Variants in OR1A1 observed in about 807,000 individuals in gnomAD.
OR1A1 encodes olfactory receptor family 1 subfamily A member 1.
For missense variants in OR1A1, 391 were observed against 379.9 expected (o/e 1.03, Z -0.24); for synonymous variants, 145 against 147.8 (o/e 0.98, Z 0.13).
At position 3,216,442 on chromosome 17, in the gene OR1A1, A is replaced by C; in HGVS notation, c.822A>C (p.Val274=). 3.7e-6 allele frequency: 6 copies of C among 1,614,010 alleles called. No homozygotes were observed. Among genetic ancestry groups the C allele is most frequent in the Non-Finnish European group, 5.1e-6 (6 of 1,179,854 alleles). The part of the protein sequence containing the change: ...NYSLKDAVIT[V]MYTAVTPMLN... Reference sequence around the variant, plus strand: ...GCCTAAAAGACGCAGTGATCACTGTAATGTACACGGCAGTGACCCCAATGT... The same window carrying C: ...GCCTAAAAGACGCAGTGATCACTGTCATGTACACGGCAGTGACCCCAATGT... Residue 274 remains valine, a synonymous_variant, in exon 4 of 4, where the codon GTA becomes GTC. Transcript: ENST00000641732.
At chr17:3,213,481 A>C (rs181863648) in intron 3 of OR1A1, 1 of 152,372 alleles carries the variant, frequency 6.6e-6, no homozygotes, top group African/African-American at 2.4e-5. Flanking sequence ...CAGATCTAAT[A>C]TATTTTTGAG....
Position 3,208,812 on chromosome 17 carries a change from CT to C in OR1A1, c.-324del, listed in dbSNP as rs2150594907. The C allele has an allele frequency of 6.6e-6, 1 of 152,156 alleles. No homozygotes were observed. The highest frequency in any genetic ancestry group is 2.4e-5 in the African/African-American group (1 of 41,502). 9.4% of individuals were successfully genotyped at this position (152,156 alleles called of 1,614,324 possible). On this transcript the variant is annotated 5_prime_UTR_variant, in exon 2 of 4. It removes the in-frame stop codon of an upstream open reading frame in the 5' UTR. Transcript: ENST00000641732. The stretch of plus-strand genomic sequence containing the variant: ...AGTCTGATATATGGCCCCTGGGTCC[CT>C]CTTCCAGTATAAATAAACCTCCATT...
intron 2 of OR1A1, among the ~76,000 whole-genome samples, chr17:3,209,803 T>C (rs1326427768): frequency 6.6e-6 from 1 of 152,186 alleles, no homozygotes; most frequent in Non-Finnish European, 1.5e-5. Context: ...CACTTGAAAT[T>C]TTCTTTGTTC....
At chr17:3,210,699 G>A (rs12603877) in intron 2 of OR1A1, among the ~76,000 whole-genome samples, 37,885 of 151,728 alleles carry the variant, frequency 0.25, 5,493 homozygotes, top group East Asian at 0.57. Context: ...TCCGCTTCCC[G>A]GGTTCAAGTG....
chr17:3,215,568 A>C, intron 3 of OR1A1, 48 bp from the exon 4 acceptor site: 1 of 1,336,912 alleles, frequency 7.5e-7, no homozygotes, highest in Non-Finnish European at 1.1e-6. Context: ...CACTACACAC[A>C]GTAACTATGC....
rs1004090672 is a variant in OR1A1 at position 3,208,905 on chromosome 17, C to G, written c.-232C>G. The stretch of plus-strand genomic sequence containing the variant: ...TAAATGAAACATGAACTTGAGCCAC[C>G]CAGCTCCATCGCTGTCCTCTGGACC... On this transcript the variant is annotated 5_prime_UTR_variant, in exon 2 of 4. Coordinates refer to ENST00000641732, the MANE Select transcript of OR1A1 (RefSeq NM_014565.3). 1 of 152,118 alleles carries G rather than the reference C, an allele frequency of 6.6e-6. No homozygotes were observed. The highest frequency in any genetic ancestry group is 1.5e-5 in the Non-Finnish European group (1 of 68,040). The allele number at this position is 152,118 out of a possible 1,614,324, so 9.4% of individuals were successfully genotyped here.
chr17:3,216,561 G>A lies in OR1A1; in HGVS notation c.*11G>A. The A allele has an allele frequency of 6.3e-7, 1 of 1,591,576 alleles. No individual in the cohort carries two copies. The highest frequency in any genetic ancestry group is 8.6e-7 in the Non-Finnish European group (1 of 1,164,334). On this transcript the variant is annotated 3_prime_UTR_variant, in exon 4 of 4. Coordinates refer to ENST00000641732, the MANE Select transcript of OR1A1 (RefSeq NM_014565.3). Reference sequence around the variant, plus strand: ...AGAATCTCCTCGTAACCAATGTGAGGGCCTACATTGGATACCGTAGTCACC... The same window carrying A: ...AGAATCTCCTCGTAACCAATGTGAGAGCCTACATTGGATACCGTAGTCACC...
At position 3,215,681 on chromosome 17, in the gene OR1A1, C is replaced by G; in HGVS notation, c.61C>G (p.Gln21Glu). 6.2e-7 allele frequency: 1 copy of G among 1,614,068 alleles called. No individual in the cohort carries two copies. Residue 21 changes from glutamine (Q) to glutamate (E), a missense_variant, in exon 4 of 4, where the codon CAG becomes GAG. Transcript: ENST00000641732. ...CATCCTCCTGGGAGTTACTGGTCAG[C>G]AGGAACAGGAAGATTTCTTCTACAT... The part of the protein sequence containing the change: ...EFILLGVTGQ[Q>E]EQEDFFYILF...
rs937488260 is a variant in OR1A1, at chr17:3,218,299, G to A, written c.*1749G>A. On this transcript the variant is annotated 3_prime_UTR_variant, in exon 4 of 4. Coordinates refer to ENST00000641732, the MANE Select transcript of OR1A1 (RefSeq NM_014565.3). ...TGCTGGAGAGGATGTGGAGAAATAG[G>A]AAGGTTTTTACACTGTTGGTGGGAG... 6.6e-6 allele frequency: 1 copy of A among 152,194 alleles called. No individual in the cohort carries two copies. The highest frequency in any genetic ancestry group is 1.5e-5 in the Non-Finnish European group (1 of 68,032). 9.4% of individuals were successfully genotyped at this position (152,194 alleles called of 1,614,324 possible). A position where few individuals can be genotyped will look rare whatever the true frequency, so the allele number is the denominator to read the frequency against.
intron 3 of OR1A1, chr17:3,213,950 C>G (rs1219382918): frequency 6.6e-6 from 1 of 152,184 alleles, no homozygotes; most frequent in Non-Finnish European, 1.5e-5. Context: ...AGGAGGAAAC[C>G]TGGAGTCAAG....
chr17:3,211,739 A>G (rs4586481), intron 2 of OR1A1, among the ~76,000 whole-genome samples: 38,636 of 151,904 alleles, frequency 0.25, 5,606 homozygotes, highest in East Asian at 0.57. Context: ...AAGAGGACTG[A>G]CATTTTCACA....
At position 3,215,814 on chromosome 17, in the gene OR1A1, A is replaced by G. The variant is rs186831908; in HGVS notation, c.194A>G (p.Asn65Ser). ...AACCCCATGTATTTTCTCCTTGCCA[A>G]CCTCTCCTTGGTTGACATCTTCTTC... ...LHNPMYFLLA[N>S]LSLVDIFFSS... The change falls in exon 4 of 4, where the codon AAC (asparagine) becomes AGC (serine). Residue 65 changes from asparagine to serine, a missense_variant. By Grantham distance (46) the Asn-to-Ser change is conservative. Transcript: ENST00000641732. 6.4e-5 allele frequency: 104 copies of G among 1,613,774 alleles called. No homozygotes were observed. Among genetic ancestry groups the G allele is most frequent in the Admixed American group, 1.0e-4 (6 of 59,986 alleles).
chr17:3,216,570 T>G lies in OR1A1; in HGVS notation c.*20T>G. ...TCGTAACCAATGTGAGGGCCTACAT[T>G]GGATACCGTAGTCACCAGTTACGGT... On this transcript the variant is annotated 3_prime_UTR_variant, in exon 4 of 4. Coordinates refer to ENST00000641732, the MANE Select transcript of OR1A1 (RefSeq NM_014565.3). The G allele has an allele frequency of 6.3e-7, 1 of 1,574,822 alleles. No homozygotes were observed. Among genetic ancestry groups the G allele is most frequent in the Non-Finnish European group, 8.7e-7 (1 of 1,152,710 alleles).
intron 2 of OR1A1, among the ~76,000 whole-genome samples, chr17:3,209,233 G>A (rs1418382432): frequency 1.3e-5 from 2 of 151,626 alleles, no homozygotes; most frequent in African/African-American, 2.4e-5. Context: ...TCATTCTTAT[G>A]CCTTTGCATC....
Position 3,208,669 on chromosome 17 carries a change from T to A in OR1A1, c.-468T>A, listed in dbSNP as rs562990835. On this transcript the variant is annotated 5_prime_UTR_variant, in exon 2 of 4. Transcript: ENST00000641732. ...AGTGGGTATTAAAGGCGCCGCAATG[T>A]TCAAGGCCCTGACGTCATCCCAGTG... 1.3e-5 allele frequency: 2 copies of A among 152,230 alleles called. No homozygotes were observed. The highest frequency in any genetic ancestry group is 2.1e-4 in the South Asian group (1 of 4,812). 9.4% of individuals were successfully genotyped at this position (152,230 alleles called of 1,614,324 possible). A position where few individuals can be genotyped will look rare whatever the true frequency, so the allele number is the denominator to read the frequency against.
At chr17:3,211,275 G>C (rs1227168324) in intron 2 of OR1A1, among the ~76,000 whole-genome samples, 2 of 151,922 alleles carry the variant, frequency 1.3e-5, no homozygotes, top group Non-Finnish European at 2.9e-5. Flanking sequence ...TACCTAATGA[G>C]ACAAAAAGTA....
In OR1A1 at chr17:3,216,826, A is replaced by G; in HGVS notation, c.*276A>G. On this transcript the variant is annotated 3_prime_UTR_variant, in exon 4 of 4. Transcript: ENST00000641732. ...GTCAAGTTGGGAAGATCTGAGCCTCAGCTTTCACATCTACATGTTAGGAAT... is the reference window on the plus strand; with the variant it reads ...GTCAAGTTGGGAAGATCTGAGCCTCGGCTTTCACATCTACATGTTAGGAAT... The G allele has an allele frequency of 2.9e-6, 1 of 339,808 alleles. No homozygotes were observed. The highest frequency in any genetic ancestry group is 4.7e-5 in the East Asian group (1 of 21,438). 21.0% of individuals were successfully genotyped at this position (339,808 alleles called of 1,614,324 possible). A position where few individuals can be genotyped will look rare whatever the true frequency, so the allele number is the denominator to read the frequency against.
intron 2 of OR1A1, among the ~76,000 whole-genome samples, chr17:3,210,489 T>A (rs751425515): frequency 6.6e-6 from 1 of 152,246 alleles, no homozygotes; most frequent in Non-Finnish European, 1.5e-5. Context: ...AATTTAATTT[T>A]ATTTTTAATT....
At position 3,215,754 on chromosome 17, in the gene OR1A1, T is replaced by C. The variant is rs1301414353; in HGVS notation, c.134T>C (p.Ile45Thr). ...YPITLIGNLL[I>T]VLAICSDVRL... is the part of the protein sequence containing the mutation. ...ATCACATTGATTGGAAACCTGCTCA[T>C]CGTCCTAGCCATTTGCTCTGATGTT... Residue 45 changes from isoleucine to threonine, a missense_variant, in exon 4 of 4, where the codon ATC becomes ACC. Physicochemically the swap from Ile to Thr is moderately conservative, Grantham distance 89. Coordinates refer to ENST00000641732, the MANE Select transcript of OR1A1 (RefSeq NM_014565.3). 5 of 1,614,160 alleles carry C rather than the reference T, an allele frequency of 3.1e-6. No homozygotes were observed. In the South Asian group the frequency reaches 4.4e-5, roughly 14 times the overall value.
Sources: allele counts gnomAD v4.1 joint callset (sites outside exome capture counted in the v4.1 genomes callset), GRCh38; gene constraint gnomAD v4.1.1; transcripts MANE v1.5; gene names NCBI Gene and HGNC (gene_info 2026-07-23, HGNC 2026-07-21).